ULK4: variants seen among roughly 807,000 people sequenced by gnomAD.
The protein encoded by ULK4 is unc-51 like kinase 4.
In ULK4, 133 loss-of-function variants were observed where a neutral mutation model predicts 160.6. The ratio of observed to expected loss-of-function variants is 0.83; its 90% CI spans 0.72 to 0.96. ULK4 has a LOEUF of 0.96. Ranked by LOEUF, ULK4 falls within the 40% of genes least tolerant of loss-of-function variation. The probability of loss-of-function intolerance (pLI) is 0.00; values close to 1 mark genes in which losing one functional copy is unlikely to be tolerated. For synonymous variants in ULK4, 534 were observed against 539.8 expected (o/e 0.99, Z 0.15); for missense variants, 1,580 against 1,499.5 (o/e 1.05, Z -0.89).
intron 30 of ULK4, among the ~76,000 whole-genome samples, chr3:41,646,187 T>A (rs4973980): frequency 6.6e-6 from 1 of 152,110 alleles, no homozygotes; most frequent in South Asian, 2.1e-4. Flanking sequence ...ATTTAGTCCA[T>A]TTACATTTAA....
At position 41,712,458 on chromosome 3, in the gene ULK4, A is replaced by C. The variant is rs1053219995; in HGVS notation, c.2634+2779T>G. 3.9e-5 allele frequency among the ~76,000 whole-genome samples: 6 copies of C among 152,372 alleles called. No individual in the cohort carries two copies. In the East Asian group the frequency reaches 1.2e-3, roughly 29 times the overall value. On this transcript the variant is annotated intron_variant, in intron 25 of 36. Coordinates refer to ENST00000301831, the MANE Select transcript of ULK4 (RefSeq NM_017886.4). ...GGATACAGCTTCTAAAAGTGGACTA[A>C]GCTTGAATATCCCAATTAAATCATA...
intron 12 of ULK4, among the ~76,000 whole-genome samples, chr3:41,907,047 A>G (rs185760144): frequency 5.9e-4 from 90 of 152,326 alleles, no homozygotes; most frequent in African/African-American, 8.9e-4. Flanking sequence ...GCTAGTAACG[A>G]AAGACCACAT....
intron 20 of ULK4, among the ~76,000 whole-genome samples, chr3:41,798,684 G>A (rs1293248926): frequency 6.6e-6 from 1 of 152,038 alleles, no homozygotes; most frequent in African/African-American, 2.4e-5. Flanking sequence ...CAGTTATGTG[G>A]CAATAACTCT....
chr3:41,676,904 C>T (rs2035738746), intron 29 of ULK4, among the ~76,000 whole-genome samples: 1 of 132,916 alleles, frequency 7.5e-6, no homozygotes, highest in Non-Finnish European at 1.5e-5. Flanking sequence ...CCCCCACCCC[C>T]AACCTTTTTT....
At position 41,607,708 on chromosome 3, in the gene ULK4, C is replaced by T. The variant is rs865785558; in HGVS notation, c.3120+7961G>A. On this transcript the variant is annotated intron_variant, in intron 31 of 36. Transcript: ENST00000301831. Reference sequence around the variant, plus strand: ...GTTGGGGAGAAATTTGAGCATCCATCAGTGGAGACTGGCTAAACAAATTCT... The same window carrying T: ...GTTGGGGAGAAATTTGAGCATCCATTAGTGGAGACTGGCTAAACAAATTCT... Among the ~76,000 whole-genome samples the T allele has an allele frequency of 3.3e-5, 5 of 152,260 alleles. No homozygotes were observed. In the South Asian group the frequency reaches 6.2e-4, roughly 19 times the overall value.
intron 16 of ULK4, among the ~76,000 whole-genome samples, chr3:41,890,139 G>GA (rs1377211694): frequency 2.0e-5 from 3 of 152,180 alleles, no homozygotes; most frequent in Non-Finnish European, 2.9e-5. Context: ...AAAATGTTCT[G>GA]AAATTAGATA....
chr3:41,462,270 A>G (rs939924328), intron 33 of ULK4, among the ~76,000 whole-genome samples: 1 of 152,226 alleles, frequency 6.6e-6, no homozygotes, highest in African/African-American at 2.4e-5. Context: ...CAAGGTATCA[A>G]AACAGTTTGG....
intron 22 of ULK4, among the ~76,000 whole-genome samples, chr3:41,722,350 C>T (rs975379850): frequency 6.6e-6 from 1 of 152,086 alleles, no homozygotes; most frequent in Non-Finnish European, 1.5e-5. Flanking sequence ...AAAGACAGAC[C>T]GGGCGCAGTG....
chr3:41,772,051 C>A (rs1209607376), intron 21 of ULK4, among the ~76,000 whole-genome samples: 1 of 152,168 alleles, frequency 6.6e-6, no homozygotes, highest in Non-Finnish European at 1.5e-5. Flanking sequence ...ATACCAGAAT[C>A]TCTGGGACAC....
intron 21 of ULK4, among the ~76,000 whole-genome samples, chr3:41,776,656 T>C (rs940417989): frequency 2.7e-5 from 3 of 112,526 alleles, no homozygotes; most frequent in South Asian, 2.7e-4. Context: ...TGTCAAAGGC[T>C]TTTTCTGCAT....
At chr3:41,626,692 T>A (rs963146451) in intron 30 of ULK4, among the ~76,000 whole-genome samples, 4 of 151,948 alleles carry the variant, frequency 2.6e-5, no homozygotes, top group South Asian at 2.1e-4. Flanking sequence ...GTCCGGCTAA[T>A]TTTTTTTGTA....
intron 35 of ULK4, chr3:41,278,099 A>G (rs1263909526): frequency 6.6e-6 from 1 of 152,202 alleles, no homozygotes; most frequent in Admixed American, 6.5e-5. Flanking sequence ...CAAACACTGC[A>G]CTTTTCCCAC....
intron 4 of ULK4, among the ~76,000 whole-genome samples, chr3:41,934,793 T>C (rs1256024271): frequency 2.0e-5 from 3 of 152,094 alleles, no homozygotes; most frequent in Non-Finnish European, 4.4e-5. Context: ...ATCATACACA[T>C]ATAGCCAAGA....
chr3:41,642,978 A>G (rs1209335639), intron 30 of ULK4, among the ~76,000 whole-genome samples: 1 of 152,188 alleles, frequency 6.6e-6, no homozygotes, highest in Non-Finnish European at 1.5e-5. Flanking sequence ...TGTTGGCTGC[A>G]TAAATGTCTC....
chr3:41,900,935 A>G (rs13065055), intron 12 of ULK4, 106 bp from the exon 13 acceptor site: 27,694 of 717,174 alleles, frequency 0.039, 705 homozygotes, highest in Non-Finnish European at 0.051. Context: ...AATATCACCT[A>G]TATCAATGTA....
chr3:41,707,168 T>A (rs1466612955), intron 25 of ULK4, among the ~76,000 whole-genome samples: 2 of 152,132 alleles, frequency 1.3e-5, no homozygotes, highest in African/African-American at 2.4e-5. Flanking sequence ...TATTTTTGAA[T>A]CTTACTGAAA....
chr3:41,465,870 T>C (rs1319492326), intron 32 of ULK4, among the ~76,000 whole-genome samples: 2 of 152,210 alleles, frequency 1.3e-5, no homozygotes, highest in Non-Finnish European at 2.9e-5. Context: ...TAAATGTTTA[T>C]TCTTTCCTGT....
At chr3:41,317,287 G>A (rs867067835) in intron 35 of ULK4, among the ~76,000 whole-genome samples, 1 of 151,928 alleles carries the variant, frequency 6.6e-6, no homozygotes, top group Non-Finnish European at 1.5e-5. Context: ...TTGTTAGCCA[G>A]GATCGTCTCG....
In ULK4 at chr3:41,569,182, G is replaced by A. The variant is rs145358059; in HGVS notation, c.3121-3052C>T. 5.1e-3 allele frequency among the ~76,000 whole-genome samples: 770 copies of A among 152,196 alleles called. 5 individuals carry two copies. The highest frequency in any genetic ancestry group is 0.017 in the African/African-American group (719 of 41,510). On this transcript the variant is annotated intron_variant, in intron 31 of 36. Transcript: ENST00000301831. ...CGGGGTTCTGTTATAGGTCCTTTGG[G>A]GTTTTTATGGAAGTTTTGTTATGTA...
Sources: gnomAD v4.1 joint callset for allele counts (sites outside exome capture counted in the v4.1 genomes callset) on GRCh38, gnomAD v4.1.1 for gene constraint, MANE v1.5 for transcripts, NCBI Gene and HGNC (gene_info 2026-07-23, HGNC 2026-07-21) for gene names.